Variants in NUP153 observed in about 807,000 individuals in gnomAD.
The protein encoded by NUP153 is nucleoporin 153, also known as nuclear pore complex protein Nup153.
NUP153 carries 27 observed loss-of-function variants against 134.6 expected under a neutral mutation model. The observed-to-expected ratio is 0.20, with a 90% CI of 0.15 to 0.28. The LOEUF is 0.28. NUP153 is among the 10% of genes least tolerant of loss of function. The pLI is 1.00. For synonymous variants in NUP153, 640 were observed against 623.5 expected, an observed-to-expected ratio of 1.03 and a Z score of -0.40; for missense variants, 1,821 against 1,731.3, an observed-to-expected ratio of 1.05 and a Z score of -0.92.
At chr6:17,639,019 T>C (rs1035575757) in intron 15 of NUP153, among the ~76,000 whole-genome samples, 1 of 152,236 alleles carries the variant, frequency 6.6e-6, no homozygotes, top group Non-Finnish European at 1.5e-5. Context: ...TACGTTTAAA[T>C]TCTTTCTGAG....
chr6:17,651,447 A>G (rs990345824), intron 11 of NUP153, among the ~76,000 whole-genome samples: 1 of 152,170 alleles, frequency 6.6e-6, no homozygotes, highest in Non-Finnish European at 1.5e-5. Context: ...CATTCCAACC[A>G]TATCAAAAAT....
intron 20 of NUP153, 82 bp from the exon 21 acceptor site, chr6:17,616,777 T>TC: frequency 7.4e-7 from 1 of 1,355,850 alleles, no homozygotes; most frequent in Non-Finnish European, 1.0e-6. Flanking sequence ...TGAGACGGAG[T>TC]CTCGCTCTCT....
intron 2 of NUP153, among the ~76,000 whole-genome samples, chr6:17,686,510 C>G (rs1768938717): frequency 6.6e-6 from 1 of 151,738 alleles, no homozygotes; most frequent in Non-Finnish European, 1.5e-5. Flanking sequence ...ATTCTCCTGC[C>G]TCAGCCTCCG....
In NUP153 at chr6:17,632,996, ACTGTT is replaced by A. The variant is rs980120365; in HGVS notation, c.2465-157_2465-153del. 61 of 585,290 alleles carry A rather than the reference ACTGTT, an allele frequency of 1.0e-4. No homozygotes were observed. The Admixed American group carries it at 2.0e-3, about 20-fold the overall frequency. The allele number at this position is 585,290 out of a possible 1,614,324, so 36.3% of individuals were successfully genotyped here. On this transcript the variant is annotated intron_variant, in intron 16 of 21. Transcript: ENST00000262077. ...ACACAGAATGTGCCAGAAATAGACA[ACTGTT>A]CATATTTACATTGTTTAAAAAAAAG...
intron 11 of NUP153, among the ~76,000 whole-genome samples, chr6:17,655,516 C>T (rs925120554): frequency 1.3e-5 from 2 of 151,054 alleles, no homozygotes; most frequent in Non-Finnish European, 2.9e-5. Flanking sequence ...TGCAGTGGTA[C>T]GATCTCAGCT....
chr6:17,631,536 A>G (rs1403590540), intron 17 of NUP153, among the ~76,000 whole-genome samples: 1 of 152,056 alleles, frequency 6.6e-6, no homozygotes, highest in Non-Finnish European at 1.5e-5. Flanking sequence ...AGGGGTCTAC[A>G]CTCTGTCCAC....
chr6:17,663,691 ATCTT>A (rs1437443158), intron 9 of NUP153, among the ~76,000 whole-genome samples: 1 of 152,214 alleles, frequency 6.6e-6, no homozygotes, highest in Non-Finnish European at 1.5e-5. Context: ...CACTGTACTA[ATCTT>A]TCTAAGTTTC....
chr6:17,687,206 T>C (rs1768984002), intron 2 of NUP153, among the ~76,000 whole-genome samples: 1 of 152,200 alleles, frequency 6.6e-6, no homozygotes, highest in Non-Finnish European at 1.5e-5. Flanking sequence ...ATATGCTCAT[T>C]AGGATAGAAA....
intron 8 of NUP153, 71 bp downstream of exon 8, chr6:17,668,904 G>T (rs1581733452): frequency 2.0e-6 from 2 of 1,004,864 alleles, no homozygotes; most frequent in Non-Finnish European, 3.0e-6. Flanking sequence ...AATCCAATTT[G>T]TATACTTGTG....
chr6:17,674,420 C>A (rs546868165), intron 5 of NUP153, among the ~76,000 whole-genome samples: 2 of 151,876 alleles, frequency 1.3e-5, no homozygotes, highest in South Asian at 4.2e-4. Context: ...GTTTATATAC[C>A]CTAAATGAAA....
In NUP153 at chr6:17,659,032, A is replaced by T. The variant is rs996042901; in HGVS notation, c.1395+2621T>A. On this transcript the variant is annotated intron_variant, in intron 11 of 21. Coordinates refer to ENST00000262077, the MANE Select transcript of NUP153 (RefSeq NM_005124.4). Reference sequence around the variant, plus strand: ...GCAATGTCTGCAGCTGGCATTGGTCAACCGAAAGGGCCTACTTCTCTACAA... The same window carrying T: ...GCAATGTCTGCAGCTGGCATTGGTCTACCGAAAGGGCCTACTTCTCTACAA... 5.9e-5 allele frequency among the ~76,000 whole-genome samples: 9 copies of T among 152,322 alleles called. No homozygotes were observed. In the East Asian group the frequency reaches 9.7e-4, roughly 16 times the overall value.
At chr6:17,663,399 G>C (rs1767327098) in intron 9 of NUP153, among the ~76,000 whole-genome samples, 1 of 151,908 alleles carries the variant, frequency 6.6e-6, no homozygotes, top group African/African-American at 2.4e-5. Context: ...GCCTTGCTAG[G>C]ATTACAGACA....
At chr6:17,619,871 G>A (rs764914520) in intron 20 of NUP153, among the ~76,000 whole-genome samples, 2 of 152,214 alleles carry the variant, frequency 1.3e-5, no homozygotes, top group Admixed American at 1.3e-4. Context: ...GCCGAGGCGG[G>A]CAGATCACCT....
At chr6:17,661,837 TAACTAG>T in intron 10 of NUP153, 58 bp from the exon 11 acceptor site, 2 of 1,496,692 alleles carry the variant, frequency 1.3e-6, no homozygotes, top group Admixed American at 2.0e-5. Flanking sequence ...CATAACTTGT[TAACTAG>T]AACTGCTAAC....
intron 11 of NUP153, among the ~76,000 whole-genome samples, chr6:17,654,179 T>C (rs1302590674): frequency 6.6e-6 from 1 of 152,220 alleles, no homozygotes; most frequent in East Asian, 1.9e-4. Context: ...TGCATCTGGC[T>C]ATTTTTGTAG....
At chr6:17,703,258 G>A (rs1377087133) in intron 1 of NUP153, among the ~76,000 whole-genome samples, 1 of 150,150 alleles carries the variant, frequency 6.7e-6, no homozygotes, top group Non-Finnish European at 1.5e-5. Flanking sequence ...TAAACTTACA[G>A]CATTTCCCAG....
At chr6:17,701,845 A>G (rs112105653) in intron 1 of NUP153, among the ~76,000 whole-genome samples, 19,619 of 34,202 alleles carry the variant, frequency 0.57, 5,156 homozygotes, top group Non-Finnish European at 0.67. Context: ...GGGGGGGGGG[A>G]AAAAAGCTAA....
chr6:17,659,814 CA>C (rs572415765), intron 11 of NUP153, among the ~76,000 whole-genome samples: 83 of 152,232 alleles, frequency 5.5e-4, no homozygotes, highest in South Asian at 1.0e-3. Flanking sequence ...GCTTTAATGA[CA>C]AAAGAAAATT....
rs55765085 is a variant in NUP153, at chr6:17,701,832, C to A, written c.111+4445G>T. Among the ~76,000 whole-genome samples, 3 of 44,418 alleles carry A rather than the reference C, an allele frequency of 6.8e-5. No individual in the cohort carries two copies. In the Admixed American group the frequency reaches 9.2e-4, roughly 14 times the overall value. The allele number at this position is 44,418 out of a possible 152,430, so 29.1% of individuals were successfully genotyped here. On this transcript the variant is annotated intron_variant, in intron 1 of 21. Transcript: ENST00000262077. The stretch of plus-strand genomic sequence containing the variant: ...TGGGCAACAGAGCAAGACTCTGTCT[C>A]GGGGGGGGGGGGAAAAAAGCTAAAT...
Sources: allele counts gnomAD v4.1 joint callset (sites outside exome capture counted in the v4.1 genomes callset), GRCh38; gene constraint gnomAD v4.1.1; transcripts MANE v1.5; gene names NCBI Gene and HGNC (gene_info 2026-07-23, HGNC 2026-07-21).